Variants in AGBL4 observed in about 807,000 individuals in gnomAD.
The protein encoded by AGBL4 is AGBL carboxypeptidase 4.
A neutral mutation model predicts 66.4 loss-of-function variants in AGBL4; 58 were observed. That is an observed-to-expected ratio of 0.87 (90% confidence interval 0.71 to 1.09). The LOEUF (loss-of-function observed/expected upper bound fraction) is 1.09. Ranked by LOEUF, AGBL4 falls within the 50% of genes least tolerant of loss-of-function variation. The pLI, the probability that AGBL4 is intolerant of heterozygous loss-of-function variation, is 0.00. For missense variants in AGBL4, 579 were observed against 631.0 expected (o/e 0.92, Z 0.88); for synonymous variants, 234 against 222.9 (o/e 1.05, Z -0.44).
chr1:49,274,849 A>G (rs1321398318), intron 3 of AGBL4, among the ~76,000 whole-genome samples: 2 of 152,302 alleles, frequency 1.3e-5, no homozygotes, highest in East Asian at 3.9e-4. Flanking sequence ...AATGATTTTT[A>G]TAACTTTTTA....
chr1:49,156,674 G>T (rs1192145249), intron 4 of AGBL4, among the ~76,000 whole-genome samples: 6 of 152,140 alleles, frequency 3.9e-5, no homozygotes, highest in Non-Finnish European at 8.8e-5. Flanking sequence ...GAGAGTGAGT[G>T]CAACCAAGAT....
In AGBL4 at chr1:50,016,144, A is replaced by C. The variant is rs570622616; in HGVS notation, c.34+7619T>G. The stretch of plus-strand genomic sequence containing the variant: ...TGACAAGTGTGACCTAATTAAACTA[A>C]AGAGCTTCTGCACAGCAAAAGAAAC... On this transcript the variant is annotated intron_variant, in intron 1 of 13. Transcript: ENST00000371839. Among the ~76,000 whole-genome samples the C allele has an allele frequency of 3.9e-5, 6 of 152,344 alleles. No individual in the cohort carries two copies. In the East Asian group the frequency reaches 1.2e-3, roughly 29 times the overall value.
At chr1:49,144,256 G>A (rs1227568524) in intron 4 of AGBL4, among the ~76,000 whole-genome samples, 5 of 152,064 alleles carry the variant, frequency 3.3e-5, no homozygotes, top group African/African-American at 7.2e-5. Flanking sequence ...TACTATGTTA[G>A]AACTCTGCAA....
intron 4 of AGBL4, among the ~76,000 whole-genome samples, chr1:49,124,967 G>A (rs1473787125): frequency 6.6e-6 from 1 of 152,178 alleles, no homozygotes; most frequent in East Asian, 1.9e-4. Flanking sequence ...GTGTGAATTA[G>A]CCCACAGGAC....
intron 5 of AGBL4, among the ~76,000 whole-genome samples, chr1:48,999,758 T>TA (rs1246706743): frequency 6.6e-6 from 1 of 152,094 alleles, no homozygotes; most frequent in Non-Finnish European, 1.5e-5. Flanking sequence ...CAAATATGAT[T>TA]AAGACTGTCT....
chr1:49,331,661 G>A (rs1645336718), intron 3 of AGBL4, among the ~76,000 whole-genome samples: 1 of 151,648 alleles, frequency 6.6e-6, no homozygotes, highest in Non-Finnish European at 1.5e-5. Context: ...CTCTCCCTGG[G>A]ACGGAGAGCC....
chr1:48,928,918 T>C (rs889512648), intron 5 of AGBL4, among the ~76,000 whole-genome samples: 1 of 152,180 alleles, frequency 6.6e-6, no homozygotes, highest in African/African-American at 2.4e-5. Context: ...CATGTGACAT[T>C]TCAGTCCTTT....
chr1:49,511,164 A>C (rs188501649), intron 3 of AGBL4, among the ~76,000 whole-genome samples: 102 of 152,048 alleles, frequency 6.7e-4, no homozygotes, highest in Middle Eastern at 3.4e-3. Flanking sequence ...ACGTATGTTT[A>C]TTGCAGCATT....
intron 1 of AGBL4, among the ~76,000 whole-genome samples, chr1:50,019,478 G>C (rs1314199587): frequency 6.6e-6 from 1 of 151,772 alleles, no homozygotes; most frequent in Non-Finnish European, 1.5e-5. Flanking sequence ...AACAAAAAAG[G>C]CTTAACTATT....
chr1:48,647,535 C>T (rs1030053552), intron 8 of AGBL4: 1 of 376,182 alleles, frequency 2.7e-6, no homozygotes. Context: ...TAAATAAAAC[C>T]AATAAATTTA....
intron 5 of AGBL4, among the ~76,000 whole-genome samples, chr1:48,949,846 C>T (rs2148926091): frequency 6.6e-6 from 1 of 152,314 alleles, no homozygotes; most frequent in East Asian, 1.9e-4. Context: ...TGATTACTGT[C>T]TGTAATTGAA....
At chr1:48,598,305 C>T (rs1189318828) in intron 9 of AGBL4, among the ~76,000 whole-genome samples, 2 of 152,132 alleles carry the variant, frequency 1.3e-5, no homozygotes, top group African/African-American at 2.4e-5. Context: ...TCATGCAACA[C>T]TTACTGATGG....
Position 48,944,468 on chromosome 1 carries a change from A to G in AGBL4, c.595-77238T>C, listed in dbSNP as rs543941521. 2.0e-5 allele frequency among the ~76,000 whole-genome samples: 3 copies of G among 152,280 alleles called. No individual in the cohort carries two copies. The East Asian group carries it at 5.8e-4, about 29-fold the overall frequency. On this transcript the variant is annotated intron_variant, in intron 5 of 13. Coordinates refer to ENST00000371839, the MANE Select transcript of AGBL4 (RefSeq NM_032785.4). ...TCAGCACCATAGACTGTCAGAGGAAAAATTCTTATAAATGACATGGTCAAA... is the reference window on the plus strand; with the variant it reads ...TCAGCACCATAGACTGTCAGAGGAAGAATTCTTATAAATGACATGGTCAAA...
At chr1:49,744,706 T>C (rs1343822989) in intron 2 of AGBL4, among the ~76,000 whole-genome samples, 1 of 152,018 alleles carries the variant, frequency 6.6e-6, no homozygotes, top group Non-Finnish European at 1.5e-5. Flanking sequence ...AAAAGATAAC[T>C]ACAAAAAGCA....
intron 2 of AGBL4, among the ~76,000 whole-genome samples, chr1:49,767,545 G>A (rs868531308): frequency 2.6e-5 from 4 of 151,682 alleles, no homozygotes; most frequent in African/African-American, 9.7e-5. Context: ...TGCATCTAGA[G>A]TATAAAATGA....
At chr1:49,178,159 A>G (rs1380725342) in intron 4 of AGBL4, among the ~76,000 whole-genome samples, 1 of 152,164 alleles carries the variant, frequency 6.6e-6, no homozygotes, top group Non-Finnish European at 1.5e-5. Flanking sequence ...TTCACTTACT[A>G]GCTTTGTGAC....
At chr1:49,788,807 G>A (rs1036079797) in intron 2 of AGBL4, among the ~76,000 whole-genome samples, 4 of 152,190 alleles carry the variant, frequency 2.6e-5, no homozygotes, top group African/African-American at 9.6e-5. Flanking sequence ...AAACAAAAAA[G>A]AGACAATGTG....
chr1:49,491,579 G>A (rs1452353901), intron 3 of AGBL4, among the ~76,000 whole-genome samples: 1 of 151,876 alleles, frequency 6.6e-6, no homozygotes, highest in Non-Finnish European at 1.5e-5. Flanking sequence ...TTACTCAGGA[G>A]ACTGTGGGTA....
At chr1:48,908,793 T>C (rs1254549790) in intron 5 of AGBL4, among the ~76,000 whole-genome samples, 1 of 152,212 alleles carries the variant, frequency 6.6e-6, no homozygotes, top group African/African-American at 2.4e-5. Context: ...CTTTCACATA[T>C]GTAGTTTCTA....
Sources: gnomAD v4.1 joint callset for allele counts (sites outside exome capture counted in the v4.1 genomes callset) on GRCh38, gnomAD v4.1.1 for gene constraint, MANE v1.5 for transcripts, NCBI Gene and HGNC (gene_info 2026-07-23, HGNC 2026-07-21) for gene names.